ABCB1: variants seen among roughly 807,000 people sequenced by gnomAD.
The protein encoded by ABCB1 is ATP binding cassette subfamily B member 1.
ABCB1 carries 69 observed loss-of-function variants against 142.0 expected under a neutral mutation model. That is an observed-to-expected ratio of 0.49 (90% confidence interval 0.40 to 0.59). ABCB1 has a LOEUF of 0.59. ABCB1 is among the 20% of genes least tolerant of loss of function. The pLI is 0.00. For synonymous variants in ABCB1, 532 were observed against 539.2 expected, an observed-to-expected ratio of 0.99 and a Z score of 0.18; for missense variants, 1,326 against 1,554.7, an observed-to-expected ratio of 0.85 and a Z score of 2.47.
chr7:87,555,824 A>G (rs1478283387), intron 8 of ABCB1, among the ~76,000 whole-genome samples: 1 of 152,222 alleles, frequency 6.6e-6, no homozygotes, highest in Non-Finnish European at 1.5e-5. Context: ...ATAAGAATAT[A>G]TTTAAGGACA....
At chr7:87,635,847 T>C (rs1482853539) in intron 1 of ABCB1, among the ~76,000 whole-genome samples, 1 of 152,204 alleles carries the variant, frequency 6.6e-6, no homozygotes, top group Admixed American at 6.5e-5. Context: ...AATAATACAG[T>C]ATAGACCTTT....
At chr7:87,535,457 C>T (rs1371762461) in intron 20 of ABCB1, among the ~76,000 whole-genome samples, 4 of 151,956 alleles carry the variant, frequency 2.6e-5, no homozygotes, top group East Asian at 3.9e-4. Context: ...CTCAGCCTCC[C>T]GAGTAGCTGG....
chr7:87,536,575 G>T, intron 19 of ABCB1, 34 bp from the exon 20 acceptor site: 1 of 1,604,572 alleles, frequency 6.2e-7, no homozygotes, highest in Non-Finnish European at 8.5e-7. Flanking sequence ...TTACCTTAAA[G>T]CTGTTTATGA....
chr7:87,520,627 C>T lies in ABCB1; in HGVS notation c.2786+149G>A, dbSNP rs1563032259. On this transcript the variant is annotated intron_variant, in intron 22 of 27. Coordinates refer to ENST00000622132, the MANE Select transcript of ABCB1 (RefSeq NM_001348946.2). ...AGTTCAGGGTCTTGTACTTTCTCTC[C>T]TGCATAATTACAACTGTTTCTCAAT... is the stretch of plus-strand genomic sequence containing the variant. 4.1e-6 allele frequency: 3 copies of T among 729,128 alleles called. No homozygotes were observed. In the African/African-American group the frequency reaches 5.2e-5, roughly 13 times the overall value. 45.2% of individuals were successfully genotyped at this position (729,128 alleles called of 1,614,324 possible). A position where few individuals can be genotyped will look rare whatever the true frequency, so the allele number is the denominator to read the frequency against.
Position 87,503,858 on chromosome 7 carries a change from T to C in ABCB1, c.*385A>G, listed in dbSNP as rs1385038381. 1 of 265,536 alleles carries C rather than the reference T, an allele frequency of 3.8e-6. No individual in the cohort carries two copies. The highest frequency in any genetic ancestry group is 7.3e-6 in the Non-Finnish European group (1 of 136,644). 16.4% of individuals were successfully genotyped at this position (265,536 alleles called of 1,614,324 possible). A position where few individuals can be genotyped will look rare whatever the true frequency, so the allele number is the denominator to read the frequency against. ...TCACAGGCAGTTTGGACAAGATGAC[T>C]CCAGTCACATGAAAGTTTAGTTTTA... On this transcript the variant is annotated 3_prime_UTR_variant, in exon 28 of 28. Transcript: ENST00000622132.
chr7:87,671,947 C>T (rs1421488277), intron 1 of ABCB1, among the ~76,000 whole-genome samples: 1 of 151,952 alleles, frequency 6.6e-6, no homozygotes, highest in Admixed American at 6.6e-5. Context: ...GTTGGGAGGT[C>T]CTGCCCAGTG....
chr7:87,513,177 G>A (rs1004644533), intron 25 of ABCB1, among the ~76,000 whole-genome samples: 4 of 152,130 alleles, frequency 2.6e-5, no homozygotes, highest in Non-Finnish European at 5.9e-5. Context: ...ATAATTTTCT[G>A]CAGCTTCTTG....
chr7:87,550,844 G>A lies in ABCB1; in HGVS notation c.1000-6C>T, dbSNP rs1490800054. ...ATTAATACAGAAAAGAATACCTGAG[G>A]AATGTGAAGAAAAACCATCAGGCTA... On this transcript the variant is annotated splice_polypyrimidine_tract_variant and splice_region_variant and intron_variant, in intron 9 of 27. Coordinates refer to ENST00000622132, the MANE Select transcript of ABCB1 (RefSeq NM_001348946.2). 1.1e-5 allele frequency: 18 copies of A among 1,567,162 alleles called. No homozygotes were observed. The East Asian group carries it at 3.6e-4, about 31-fold the overall frequency.
chr7:87,709,347 A>T, intron 1 of ABCB1: 1 of 985,344 alleles, frequency 1.0e-6, no homozygotes, highest in African/African-American at 1.7e-5. Flanking sequence ...TGTCTTTTAG[A>T]TGAAATTTCA....
chr7:87,652,418 A>G (rs1016243018), intron 1 of ABCB1, among the ~76,000 whole-genome samples: 2 of 151,982 alleles, frequency 1.3e-5, no homozygotes, highest in Non-Finnish European at 2.9e-5. Context: ...CCCCTTCAGA[A>G]TTATTTCTAA....
intron 4 of ABCB1, among the ~76,000 whole-genome samples, chr7:87,579,031 G>C (rs1330548330): frequency 6.6e-6 from 1 of 152,146 alleles, no homozygotes; most frequent in African/African-American, 2.4e-5. Context: ...ATTGTTTGCT[G>C]TCACCATGTA....
chr7:87,533,718 G>A (rs1480734835), intron 20 of ABCB1, among the ~76,000 whole-genome samples: 1 of 152,096 alleles, frequency 6.6e-6, no homozygotes, highest in African/African-American at 2.4e-5. Context: ...AGGGTTGAGG[G>A]GAGGAACTAA....
At chr7:87,680,791 C>T (rs1826854914) in intron 1 of ABCB1, among the ~76,000 whole-genome samples, 1 of 147,160 alleles carries the variant, frequency 6.8e-6, no homozygotes, top group Admixed American at 6.8e-5. Flanking sequence ...GAAACTCCAT[C>T]TCAAAAAAAA....
intron 1 of ABCB1, chr7:87,627,985 C>T (rs1422486181): frequency 6.6e-6 from 1 of 152,294 alleles, no homozygotes; most frequent in Non-Finnish European, 1.5e-5. Context: ...GGCGTCAGGA[C>T]AAAAGGAACC....
At position 87,553,924 on chromosome 7, in the gene ABCB1, T is replaced by G; in HGVS notation, c.836A>C (p.Lys279Thr). The stretch of plus-strand genomic sequence containing the variant: ...AATTCTTTTAGCTTCTTCTAAATTT[T>G]TGTTGTACCTGAGAAAAAGAACAAA... ...GQKKELERYNKNLEEAKRIGI... is the reference protein window; with the variant it reads ...GQKKELERYNTNLEEAKRIGI... Residue 279 changes from lysine to threonine, a missense_variant, in exon 9 of 28, where the codon AAA becomes ACA. Physicochemically the swap from Lys to Thr is moderately conservative, Grantham distance 78. Transcript: ENST00000622132. 6.2e-7 allele frequency: 1 copy of G among 1,613,290 alleles called. No homozygotes were observed. Among genetic ancestry groups the G allele is most frequent in the Non-Finnish European group, 8.5e-7 (1 of 1,179,260 alleles).
intron 1 of ABCB1, among the ~76,000 whole-genome samples, chr7:87,675,050 G>T (rs527933529): frequency 2.6e-4 from 40 of 152,332 alleles, no homozygotes; most frequent in African/African-American, 9.6e-4. Flanking sequence ...TTGGGGAAAT[G>T]ATCTCCTGCT....
chr7:87,570,299 A>G lies in ABCB1; in HGVS notation c.287-76T>C, dbSNP rs2235014. The G allele has an allele frequency of 9.7e-4, 1,287 of 1,328,422 alleles. 22 individuals carry two copies. In the East Asian group the frequency reaches 0.027, roughly 27 times the overall value. The allele number at this position is 1,328,422 out of a possible 1,614,324, so 82.3% of individuals were successfully genotyped here. ...AAAAATAAACATGTAAAAATGAATC[A>G]AACTCATTTCATTTAATGATTTACA... is the stretch of plus-strand genomic sequence containing the variant. On this transcript the variant is annotated intron_variant, in intron 4 of 27. Coordinates refer to ENST00000622132, the MANE Select transcript of ABCB1 (RefSeq NM_001348946.2).
At chr7:87,655,810 G>C (rs1034549980) in intron 1 of ABCB1, among the ~76,000 whole-genome samples, 1 of 152,116 alleles carries the variant, frequency 6.6e-6, no homozygotes, top group Non-Finnish European at 1.5e-5. Flanking sequence ...ACAGTGCTGG[G>C]AAGTGGGGCT....
intron 1 of ABCB1, among the ~76,000 whole-genome samples, chr7:87,631,669 A>C (rs1421633517): frequency 6.6e-6 from 1 of 152,230 alleles, no homozygotes; most frequent in Non-Finnish European, 1.5e-5. Context: ...CTGGGATTAC[A>C]GGCGTGAGCC....
Sources: gnomAD v4.1 joint callset for allele counts (sites outside exome capture counted in the v4.1 genomes callset) on GRCh38, gnomAD v4.1.1 for gene constraint, MANE v1.5 for transcripts, NCBI Gene and HGNC (gene_info 2026-07-23, HGNC 2026-07-21) for gene names.